ZNF280A: variants seen among roughly 807,000 people sequenced by gnomAD.
The protein encoded by ZNF280A is suppressor of hairy wing homolog 1.
Under a neutral mutation model 35.9 loss-of-function variants are expected in ZNF280A, and 26 were observed. The observed-to-expected ratio is 0.72, with a 90% CI of 0.53 to 1.01. The LOEUF (loss-of-function observed/expected upper bound fraction) is 1.01. ZNF280A is among the 50% of genes least tolerant of loss of function. The pLI, the probability that ZNF280A is intolerant of heterozygous loss-of-function variation, is 0.00. For missense variants in ZNF280A, 654 were observed against 652.0 expected (o/e 1.00, Z -0.03); for synonymous variants, 231 against 232.9 (o/e 0.99, Z 0.07).
At position 22,515,241 on chromosome 22, in the gene ZNF280A, T is replaced by A; in HGVS notation, c.390A>T (p.Pro130=). 1 of 1,613,794 alleles carries A rather than the reference T, an allele frequency of 6.2e-7. No individual in the cohort carries two copies. The highest frequency in any genetic ancestry group is 1.7e-5 in the Admixed American group (1 of 59,962). ...CTGAGGAACTGGGAGAAACAACTTG[T>A]GGTGAGCTCATTTTATAACCAGGTT... The part of the protein sequence containing the change: ...SSEPGYKMSS[P]QVVSPSSSDS... Residue 130 remains proline (P), a synonymous_variant, in exon 2 of 2, where the codon CCA becomes CCT. Coordinates refer to ENST00000302097, the MANE Select transcript of ZNF280A (RefSeq NM_080740.5).
chr22:22,519,078 T>A (rs1035135045), intron 1 of ZNF280A, among the ~76,000 whole-genome samples: 6 of 151,862 alleles, frequency 4.0e-5, no homozygotes, highest in African/African-American at 1.5e-4. Context: ...CAAGCTTAAT[T>A]TATAAATAGG....
chr22:22,516,317 C>G (rs1280757036), intron 1 of ZNF280A, among the ~76,000 whole-genome samples: 1 of 82,560 alleles, frequency 1.2e-5, no homozygotes, highest in Non-Finnish European at 2.4e-5. Context: ...ACACACACAC[C>G]CTTTGCTGTT....
chr22:22,514,553 T>G lies in ZNF280A; in HGVS notation c.1078A>C (p.Met360Leu). 1.9e-6 allele frequency: 3 copies of G among 1,613,922 alleles called. No individual in the cohort carries two copies. Among genetic ancestry groups the G allele is most frequent in the Non-Finnish European group, 2.5e-6 (3 of 1,179,992 alleles). Reference sequence around the variant, plus strand: ...ATTTTACAGACAGCAGAGGGCCCCATGGCGATGTGTACACTATCAATGTGA... The same window carrying G: ...ATTTTACAGACAGCAGAGGGCCCCAGGGCGATGTGTACACTATCAATGTGA... Reference protein sequence around the residue: ...QCHIDSVHIAMGPSAVCKICE... With the variant: ...QCHIDSVHIALGPSAVCKICE... The change falls in exon 2 of 2, where the codon ATG becomes CTG. Residue 360 changes from methionine to leucine, a missense_variant. Coordinates refer to ENST00000302097, the MANE Select transcript of ZNF280A (RefSeq NM_080740.5).
chr22:22,514,081 G>T lies in ZNF280A; in HGVS notation c.1550C>A (p.Ser517Tyr). 6.2e-7 allele frequency: 1 copy of T among 1,613,814 alleles called. No individual in the cohort carries two copies. The highest frequency in any genetic ancestry group is 8.5e-7 in the Non-Finnish European group (1 of 1,179,926). ...SVIVSNTDPQ[S>Y]SPVKTKKKTA... Reference sequence around the variant, plus strand: ...CTTCTTTTTAGTTTTTACAGGAGAAGACTGAGGGTCAGTGTTGCTAACAAT... The same window carrying T: ...CTTCTTTTTAGTTTTTACAGGAGAATACTGAGGGTCAGTGTTGCTAACAAT... The change falls in exon 2 of 2, where the codon TCT (serine) becomes TAT (tyrosine). Residue 517 changes from serine (S) to tyrosine (Y), a missense_variant. Transcript: ENST00000302097.
At chr22:22,519,194 G>A (rs971195541) in intron 1 of ZNF280A, among the ~76,000 whole-genome samples, 3 of 151,892 alleles carry the variant, frequency 2.0e-5, no homozygotes, top group Non-Finnish European at 4.4e-5. Context: ...AGCACTTTGG[G>A]AGGCTGAGGT....
At chr22:22,519,733 C>G (rs2062118183) in intron 1 of ZNF280A, among the ~76,000 whole-genome samples, 1 of 151,882 alleles carries the variant, frequency 6.6e-6, no homozygotes, top group Non-Finnish European at 1.5e-5. Flanking sequence ...ATAACTGCGA[C>G]CGCTCCTAAG....
chr22:22,513,840 C>G lies in ZNF280A; in HGVS notation c.*162G>C. The G allele has an allele frequency of 1.7e-6, 1 of 571,530 alleles. No homozygotes were observed. The highest frequency in any genetic ancestry group is 2.5e-5 in the South Asian group (1 of 39,776). 35.4% of individuals were successfully genotyped at this position (571,530 alleles called of 1,614,324 possible). The stretch of plus-strand genomic sequence containing the variant: ...ATTTGACTGGGAAAGGGCTCAAAGA[C>G]TTTGGAGCTACTTCTTGACAATAGG... On this transcript the variant is annotated 3_prime_UTR_variant, in exon 2 of 2. Coordinates refer to ENST00000302097, the MANE Select transcript of ZNF280A (RefSeq NM_080740.5).
In ZNF280A at chr22:22,515,510, G is replaced by A; in HGVS notation, c.121C>T (p.His41Tyr). ...DLIYVGVEHV[H>Y]RDAEVLFVGM... ...ACAAAGAGAACTTCAGCATCTCTAT[G>A]TACATGCTCCACCCCAACATAGATC... Residue 41 changes from histidine to tyrosine, a missense_variant, in exon 2 of 2, where the codon CAT becomes TAT. Transcript: ENST00000302097. The A allele has an allele frequency of 6.2e-7, 1 of 1,613,864 alleles. No homozygotes were observed. The highest frequency in any genetic ancestry group is 1.1e-5 in the South Asian group (1 of 91,066).
At position 22,515,457 on chromosome 22, in the gene ZNF280A, G is replaced by A. The variant is rs777064424; in HGVS notation, c.174C>T (p.Val58=). 4 of 1,613,786 alleles carry A rather than the reference G, an allele frequency of 2.5e-6. No individual in the cohort carries two copies. The highest frequency in any genetic ancestry group is 3.4e-6 in the Non-Finnish European group (4 of 1,179,962). The change falls in exon 2 of 2, where the codon GTC becomes GTT. Residue 58 remains valine, a synonymous_variant. Transcript: ENST00000302097. ...FVGMISNSKP[V]VSNILNRVTP... ...TGACTCTGTTCAAAATGTTTGAAAC[G>A]ACTGGTTTTGAATTTGAAATCATCC...
chr22:22,514,430 A>T lies in ZNF280A; in HGVS notation c.1201T>A (p.Tyr401Asn). The T allele has an allele frequency of 6.2e-7, 1 of 1,613,866 alleles. No homozygotes were observed. Among genetic ancestry groups the T allele is most frequent in the Non-Finnish European group, 8.5e-7 (1 of 1,179,996 alleles). The change falls in exon 2 of 2, where the codon TAC (tyrosine) becomes AAC (asparagine). Residue 401 changes from tyrosine (Y) to asparagine (N), a missense_variant. Physicochemically the swap from Tyr to Asn is moderately radical, Grantham distance 143. Transcript: ENST00000302097. ...EMPYVCQVCH[Y>N]RSSVFADVET... is the part of the protein sequence containing the mutation. Reference sequence around the variant, plus strand: ...ACATCAGCAAAGACCGACGATCTGTAATGGCAAACCTGGCACACATAAGGC... The same window carrying T: ...ACATCAGCAAAGACCGACGATCTGTTATGGCAAACCTGGCACACATAAGGC...
Position 22,514,103 on chromosome 22 carries a change from C to T in ZNF280A, c.1528G>A (p.Val510Ile). 6.2e-7 allele frequency: 1 copy of T among 1,613,894 alleles called. No individual in the cohort carries two copies. The highest frequency in any genetic ancestry group is 1.3e-5 in the African/African-American group (1 of 74,978). Residue 510 changes from valine to isoleucine, a missense_variant, in exon 2 of 2, where the codon GTT (valine) becomes ATT (isoleucine). Val to Ile is a conservative substitution (Grantham distance 29). Transcript: ENST00000302097. ...PGSSGMASVI[V>I]SNTDPQSSPV... ...GAAGACTGAGGGTCAGTGTTGCTAA[C>T]AATAACGGAAGCCATACCACTTGAT...
rs534563463 is a variant in ZNF280A at position 22,514,117 on chromosome 22, A to T, written c.1514T>A (p.Met505Lys). Residue 505 changes from methionine (M) to lysine (K), a missense_variant, in exon 2 of 2, where the codon ATG becomes AAG. Physicochemically the swap from Met to Lys is moderately conservative, Grantham distance 95 (BLOSUM62 -1). Coordinates refer to ENST00000302097, the MANE Select transcript of ZNF280A (RefSeq NM_080740.5). Reference protein sequence around the residue: ...QTSVQPGSSGMASVIVSNTDP... With the variant: ...QTSVQPGSSGKASVIVSNTDP... The stretch of plus-strand genomic sequence containing the variant: ...AGTGTTGCTAACAATAACGGAAGCC[A>T]TACCACTTGATCCTGGCTGAACTGA... 6.2e-7 allele frequency: 1 copy of T among 1,613,968 alleles called. No individual in the cohort carries two copies. The highest frequency in any genetic ancestry group is 1.3e-5 in the African/African-American group (1 of 75,010).
rs761099414 is a variant in ZNF280A, at chr22:22,514,498, A to G, written c.1133T>C (p.Val378Ala). Residue 378 changes from valine (V) to alanine (A), a missense_variant, in exon 2 of 2, where the codon GTC becomes GCC. By Grantham distance (64) the Val-to-Ala change is moderately conservative. Transcript: ENST00000302097. ...ATGGTCCTTCATGTGTTGTAAGAGG[A>G]CCTGATCTGTTTCAAATGACAATTC... Reference protein sequence around the residue: ...ICELSFETDQVLLQHMKDHHK... With the variant: ...ICELSFETDQALLQHMKDHHK... 1 of 1,613,902 alleles carries G rather than the reference A, an allele frequency of 6.2e-7. No homozygotes were observed. The highest frequency in any genetic ancestry group is 8.5e-7 in the Non-Finnish European group (1 of 1,179,984).
rs1173801981 is a variant in ZNF280A at position 22,513,944 on chromosome 22, A to C, written c.*58T>G. 1.0e-6 allele frequency: 1 copy of C among 988,480 alleles called. No individual in the cohort carries two copies. 61.2% of individuals were successfully genotyped at this position (988,480 alleles called of 1,614,324 possible). On this transcript the variant is annotated 3_prime_UTR_variant, in exon 2 of 2. Transcript: ENST00000302097. ...GCTAGCATCTACAGCCACAATGCACATATGGCCTAGCCTCACTTCTGCCTT... is the reference window on the plus strand; with the variant it reads ...GCTAGCATCTACAGCCACAATGCACCTATGGCCTAGCCTCACTTCTGCCTT...
intron 1 of ZNF280A, among the ~76,000 whole-genome samples, chr22:22,519,346 T>A (rs1329724731): frequency 6.6e-6 from 1 of 151,738 alleles, no homozygotes; most frequent in Non-Finnish European, 1.5e-5. Context: ...GGCAGGAGAA[T>A]CACTTGAACC....
intron 1 of ZNF280A, among the ~76,000 whole-genome samples, chr22:22,517,761 C>T (rs1461540641): frequency 6.6e-6 from 1 of 150,640 alleles, no homozygotes; most frequent in African/African-American, 2.4e-5. Flanking sequence ...ATAGTGGAAT[C>T]AAAAATGACA....
rs138171528 is a variant in ZNF280A, at chr22:22,517,848, G to A, written c.-71-2147C>T. Among the ~76,000 whole-genome samples, 1,147 of 130,208 alleles carry A rather than the reference G, an allele frequency of 8.8e-3. 22 individuals carry two copies. Among genetic ancestry groups the A allele is most frequent in the African/African-American group, 0.033 (1,076 of 33,006 alleles). 85.4% of individuals were successfully genotyped at this position (130,208 alleles called of 152,430 possible). ...GTGAGATGTGCTTCCCTCAAACCTT[G>A]TTATATCAGCATGTTTAACATCTGA... is the stretch of plus-strand genomic sequence containing the variant. On this transcript the variant is annotated intron_variant, in intron 1 of 1. Transcript: ENST00000302097.
Position 22,515,661 on chromosome 22 carries a change from G to A in ZNF280A, c.-31C>T. ...ATTTACTTTTTGCTTGAAGCCACTG[G>A]TCTCTTCAACTTCCAGAGCTGTCTT... On this transcript the variant is annotated 5_prime_UTR_variant, in exon 2 of 2. Transcript: ENST00000302097. 1 of 1,542,674 alleles carries A rather than the reference G, an allele frequency of 6.5e-7. No homozygotes were observed. The highest frequency in any genetic ancestry group is 2.3e-5 in the East Asian group (1 of 44,236).
At chr22:22,515,726 T>C (rs2146896841) in intron 1 of ZNF280A, 25 bp from the exon 2 acceptor site, 2 of 1,497,796 alleles carry the variant, frequency 1.3e-6, no homozygotes, top group East Asian at 2.3e-5. Flanking sequence ...GTGACAATAG[T>C]CAATATTTAT....
Sources: gnomAD v4.1 joint callset for allele counts (sites outside exome capture counted in the v4.1 genomes callset) on GRCh38, gnomAD v4.1.1 for gene constraint, MANE v1.5 for transcripts, NCBI Gene and HGNC (gene_info 2026-07-23, HGNC 2026-07-21) for gene names.